Variants in RBM19 observed in about 807,000 individuals in gnomAD.
RBM19 encodes the protein RNA binding motif protein 19.
A neutral mutation model predicts 116.8 loss-of-function variants in RBM19; 94 were observed. The observed-to-expected ratio is 0.80, with a 90% CI of 0.68 to 0.95. The LOEUF is 0.95. Among genes scored for constraint, RBM19 ranks in the 40% least tolerant of loss-of-function variants. The probability of loss-of-function intolerance (pLI) is 0.00; values close to 1 mark genes in which losing one functional copy is unlikely to be tolerated. For synonymous variants in RBM19, 475 were observed against 494.1 expected, an observed-to-expected ratio of 0.96 and a Z score of 0.51; for missense variants, 1,161 against 1,220.7, an observed-to-expected ratio of 0.95 and a Z score of 0.73.
chr12:113,880,613 G>A (rs959496025), intron 21 of RBM19, among the ~76,000 whole-genome samples: 4 of 152,238 alleles, frequency 2.6e-5, no homozygotes, highest in Non-Finnish European at 4.4e-5. Context: ...TGGGGCACCT[G>A]ACACTCCCCC....
At chr12:113,820,533 G>A (rs980413918), downstream of RBM19, among the ~76,000 whole-genome samples, 5 of 152,114 alleles carry the variant, frequency 3.3e-5, no homozygotes, top group Admixed American at 6.5e-5. Flanking sequence ...CTTTCCATGC[G>A]TCAGGGAGGC....
chr12:113,872,506 A>C (rs75357241), intron 21 of RBM19, among the ~76,000 whole-genome samples: 1 of 98,466 alleles, frequency 1.0e-5, no homozygotes, highest in Non-Finnish European at 2.2e-5. Flanking sequence ...CAGCCGCCCC[A>C]TCCGGGAGGG....
At chr12:113,897,878 A>G (rs1423238356) in intron 21 of RBM19, among the ~76,000 whole-genome samples, 1 of 152,220 alleles carries the variant, frequency 6.6e-6, no homozygotes, top group Non-Finnish European at 1.5e-5. Flanking sequence ...TTACCTGAGC[A>G]GAGCCTCTGG....
chr12:113,887,269 C>T (rs1320898276), intron 21 of RBM19, among the ~76,000 whole-genome samples: 4 of 152,102 alleles, frequency 2.6e-5, no homozygotes, highest in East Asian at 1.9e-4. Flanking sequence ...ATAAATTTGA[C>T]AATCTCTGAT....
chr12:113,822,804 T>G lies in RBM19; in HGVS notation c.*420A>C. ...GAAACTGGGCCAGGGTCTCCCAGCTTGAGCTTGGAGACGGGGTTTCATGTC... is the reference window on the plus strand; with the variant it reads ...GAAACTGGGCCAGGGTCTCCCAGCTGGAGCTTGGAGACGGGGTTTCATGTC... On this transcript the variant is annotated 3_prime_UTR_variant, in exon 24 of 24. Transcript: ENST00000261741. 1 of 166,920 alleles carries G rather than the reference T, an allele frequency of 6.0e-6. No homozygotes were observed. Among genetic ancestry groups the G allele is most frequent in the Non-Finnish European group, 1.3e-5 (1 of 78,020 alleles). 10.3% of individuals were successfully genotyped at this position (166,920 alleles called of 1,614,324 possible).
At chr12:113,953,850 T>C (rs961137898) in intron 7 of RBM19, among the ~76,000 whole-genome samples, 1 of 146,898 alleles carries the variant, frequency 6.8e-6, no homozygotes, top group African/African-American at 2.7e-5. Flanking sequence ...TTTTTACATT[T>C]TAAAGGATTA....
At chr12:113,848,982 T>TTCTCCTA (rs1368995486) in intron 22 of RBM19, among the ~76,000 whole-genome samples, 1 of 152,216 alleles carries the variant, frequency 6.6e-6, no homozygotes, top group African/African-American at 2.4e-5. Context: ...ACAGACATTA[T>TTCTCCTA]TCTCCTATTT....
chr12:113,963,114 G>T (rs1470622731), intron 1 of RBM19, among the ~76,000 whole-genome samples: 2 of 152,200 alleles, frequency 1.3e-5, no homozygotes, highest in Admixed American at 1.3e-4. Flanking sequence ...TTCCCACAGA[G>T]CTTCCAGAAG....
intron 21 of RBM19, among the ~76,000 whole-genome samples, chr12:113,867,925 C>CTGAA (rs1297483756): frequency 6.7e-6 from 1 of 149,920 alleles, no homozygotes; most frequent in Non-Finnish European, 1.5e-5. Flanking sequence ...AGACTCTTGT[C>CTGAA]TGAATAAATA....
At chr12:113,851,483 A>T (rs1593482504) in intron 22 of RBM19, among the ~76,000 whole-genome samples, 1 of 152,204 alleles carries the variant, frequency 6.6e-6, no homozygotes, top group Non-Finnish European at 1.5e-5. Context: ...ACCCAAGGGC[A>T]CCAAGCCACA....
At chr12:113,950,963 C>T (rs745384090) in intron 8 of RBM19, among the ~76,000 whole-genome samples, 1 of 152,156 alleles carries the variant, frequency 6.6e-6, no homozygotes, top group Non-Finnish European at 1.5e-5. Context: ...AAACGCCTGG[C>T]TCCAGGACCC....
Position 113,844,719 on chromosome 12 carries a change from A to G in RBM19, c.2734T>C (p.Ser912Pro). Residue 912 changes from serine (S) to proline (P), a missense_variant, in exon 23 of 24, where the codon TCC becomes CCC. Physicochemically the swap from Ser to Pro is moderately conservative, Grantham distance 74. Transcript: ENST00000261741. The stretch of plus-strand genomic sequence containing the variant: ...CGCAGGGCCTGCAGGGTCACCTCGG[A>G]GTCGGCCCACTCCAGCACCAGCCTC... ...GRRLVLEWAD[S>P]EVTLQALRRK... The G allele has an allele frequency of 6.2e-7, 1 of 1,613,382 alleles. No individual in the cohort carries two copies. The highest frequency in any genetic ancestry group is 8.5e-7 in the Non-Finnish European group (1 of 1,179,834).
chr12:113,890,851 G>A lies in RBM19; in HGVS notation c.2558+24118C>T, dbSNP rs562905997. Among the ~76,000 whole-genome samples the A allele has an allele frequency of 1.2e-4, 18 of 152,302 alleles. No homozygotes were observed. In the South Asian group the frequency reaches 2.3e-3, roughly 19 times the overall value. ...TTGCCTGGCTGGAGAGCAGTGGCGC[G>A]ATCACAGCTCACTGTAGCCTCAAAC... is the stretch of plus-strand genomic sequence containing the variant. On this transcript the variant is annotated intron_variant, in intron 21 of 23. Coordinates refer to ENST00000261741, the MANE Select transcript of RBM19 (RefSeq NM_016196.4).
At chr12:113,956,897 G>C (rs559410868) in intron 6 of RBM19, among the ~76,000 whole-genome samples, 2 of 152,352 alleles carry the variant, frequency 1.3e-5, no homozygotes, top group African/African-American at 4.8e-5. Context: ...CCTCCAGATA[G>C]TGATGAGATG....
At chr12:113,828,170 G>A (rs990807950) in intron 23 of RBM19, among the ~76,000 whole-genome samples, 3 of 150,792 alleles carry the variant, frequency 2.0e-5, no homozygotes, top group African/African-American at 7.3e-5. Context: ...CCACAGAAGA[G>A]TGTCTGGATT....
chr12:113,966,322 A>G lies in RBM19; in HGVS notation c.-95T>C. ...GCCCTGGGCGCCGCCATCTTTACCG[A>G]GCCGGAACACAGTCACGTGGCTGAG... On this transcript the variant is annotated 5_prime_UTR_variant, in exon 1 of 24. Transcript: ENST00000261741. 1 of 1,513,888 alleles carries G rather than the reference A, an allele frequency of 6.6e-7. No individual in the cohort carries two copies. Among genetic ancestry groups the G allele is most frequent in the Non-Finnish European group, 9.2e-7 (1 of 1,090,162 alleles). 93.8% of individuals were successfully genotyped at this position (1,513,888 alleles called of 1,614,324 possible).
chr12:113,943,192 G>C (rs1870727615), intron 13 of RBM19, among the ~76,000 whole-genome samples: 1 of 152,164 alleles, frequency 6.6e-6, no homozygotes, highest in Non-Finnish European at 1.5e-5. Flanking sequence ...GCCCTCACCA[G>C]GCCTGCCGCA....
intron 20 of RBM19, among the ~76,000 whole-genome samples, chr12:113,916,280 G>C (rs934715432): frequency 6.6e-6 from 1 of 152,104 alleles, no homozygotes; most frequent in South Asian, 2.1e-4. Context: ...GGTGGCAGGC[G>C]CCTGTAATCC....
chr12:113,871,504 T>C (rs906535722), intron 21 of RBM19, among the ~76,000 whole-genome samples: 1 of 152,232 alleles, frequency 6.6e-6, no homozygotes, highest in African/African-American at 2.4e-5. Context: ...ACTACTCTAC[T>C]CTGCTCTGTA....
Sources: allele counts gnomAD v4.1 joint callset (sites outside exome capture counted in the v4.1 genomes callset), GRCh38; gene constraint gnomAD v4.1.1; transcripts MANE v1.5; gene names NCBI Gene and HGNC (gene_info 2026-07-23, HGNC 2026-07-21).